The following KCNH7 variants were observed in gnomAD, a reference collection of about 807,000 sequenced individuals.
The protein encoded by KCNH7 is potassium voltage-gated channel subfamily H member 7.
KCNH7 carries 49 observed loss-of-function variants against 120.8 expected under a neutral mutation model. The ratio of observed to expected loss-of-function variants is 0.41; its 90% CI spans 0.32 to 0.51. KCNH7 has a LOEUF of 0.51. Ranked by LOEUF, KCNH7 falls within the 20% of genes least tolerant of loss-of-function variation. KCNH7 has a pLI of 0.38. For synonymous variants in KCNH7, 547 were observed against 516.1 expected (o/e 1.06, Z -0.81); for missense variants, 1,097 against 1,446.6 (o/e 0.76, Z 3.92).
intron 2 of KCNH7, among the ~76,000 whole-genome samples, chr2:162,625,806 G>A (rs1345903091): frequency 6.6e-6 from 1 of 152,062 alleles, no homozygotes; most frequent in African/African-American, 2.4e-5. Context: ...AATTACGGGA[G>A]GAGTGAAATG....
In KCNH7 at chr2:162,597,801, G is replaced by C. The variant is rs1176407909; in HGVS notation, c.308-60721C>G. Among the ~76,000 whole-genome samples, 3 of 151,964 alleles carry C rather than the reference G, an allele frequency of 2.0e-5. No homozygotes were observed. In the South Asian group the frequency reaches 6.2e-4, roughly 32 times the overall value. ...TATACATGCACTGGAACATTTCATT[G>C]TATCCCATAAGTATATGCAATTATT... On this transcript the variant is annotated intron_variant, in intron 2 of 15. Coordinates refer to ENST00000332142, the MANE Select transcript of KCNH7 (RefSeq NM_033272.4).
chr2:162,386,323 A>C (rs1686570160), intron 12 of KCNH7, among the ~76,000 whole-genome samples: 1 of 151,790 alleles, frequency 6.6e-6, no homozygotes, highest in South Asian at 2.1e-4. Context: ...TCTTCTTTCC[A>C]ATTTTCTTTG....
chr2:162,628,820 A>C (rs1683652824), intron 2 of KCNH7, among the ~76,000 whole-genome samples: 1 of 152,070 alleles, frequency 6.6e-6, no homozygotes, highest in African/African-American at 2.4e-5. Flanking sequence ...TCCACGGTGT[A>C]TGTGTGCCAC....
At chr2:162,561,218 GCTC>G (rs936546079) in intron 2 of KCNH7, among the ~76,000 whole-genome samples, 3 of 151,972 alleles carry the variant, frequency 2.0e-5, no homozygotes, top group African/African-American at 7.3e-5. Flanking sequence ...TGATGCATAT[GCTC>G]CTTTTTTTCC....
At chr2:162,638,980 T>C (rs904326624) in intron 2 of KCNH7, among the ~76,000 whole-genome samples, 4 of 152,144 alleles carry the variant, frequency 2.6e-5, no homozygotes, top group Non-Finnish European at 5.9e-5. Context: ...AATTCTTTGT[T>C]ATCGGGGATG....
chr2:162,668,137 A>G (rs1685210872), intron 2 of KCNH7, among the ~76,000 whole-genome samples: 1 of 152,194 alleles, frequency 6.6e-6, no homozygotes, highest in African/African-American at 2.4e-5. Flanking sequence ...AGATGTCAAG[A>G]AAGTAGGAAA....
At chr2:162,644,999 G>T (rs561635164) in intron 2 of KCNH7, among the ~76,000 whole-genome samples, 55 of 151,994 alleles carry the variant, frequency 3.6e-4, no homozygotes, top group Non-Finnish European at 6.8e-4. Context: ...TTACCATTTT[G>T]CCTACTTATA....
At chr2:162,383,950 A>C (rs1686500169) in intron 13 of KCNH7, among the ~76,000 whole-genome samples, 1 of 151,856 alleles carries the variant, frequency 6.6e-6, no homozygotes, top group Non-Finnish European at 1.5e-5. Flanking sequence ...GCAGAGCTGC[A>C]CTTGGAACCC....
chr2:162,672,216 A>T (rs1348482567), intron 2 of KCNH7, among the ~76,000 whole-genome samples: 2 of 152,104 alleles, frequency 1.3e-5, no homozygotes, highest in Admixed American at 1.3e-4. Flanking sequence ...AAACATTGCC[A>T]ATATCTACAT....
At chr2:162,579,875 A>G (rs1461740264) in intron 2 of KCNH7, among the ~76,000 whole-genome samples, 1 of 152,026 alleles carries the variant, frequency 6.6e-6, no homozygotes, top group Non-Finnish European at 1.5e-5. Flanking sequence ...ACGTAGAAGC[A>G]ATGATTTCTC....
At chr2:162,610,411 G>A (rs539902383) in intron 2 of KCNH7, among the ~76,000 whole-genome samples, 2 of 152,186 alleles carry the variant, frequency 1.3e-5, no homozygotes, top group African/African-American at 2.4e-5. Context: ...CCAAGGCCTA[G>A]GATTTAGGAA....
chr2:162,669,108 A>G (rs970659362), intron 2 of KCNH7, among the ~76,000 whole-genome samples: 1 of 152,178 alleles, frequency 6.6e-6, no homozygotes, highest in African/African-American at 2.4e-5. Context: ...TCAGGTGGAT[A>G]TCAAGTAAAG....
intron 2 of KCNH7, among the ~76,000 whole-genome samples, chr2:162,723,939 T>C (rs1033852213): frequency 2.6e-5 from 4 of 152,216 alleles, no homozygotes; most frequent in Non-Finnish European, 5.9e-5. Context: ...GGAAGATGAA[T>C]TTGACAATAA....
chr2:162,752,108 A>G (rs1688572195), intron 2 of KCNH7, among the ~76,000 whole-genome samples: 1 of 152,148 alleles, frequency 6.6e-6, no homozygotes, highest in Non-Finnish European at 1.5e-5. Context: ...TTTAAATAAA[A>G]GTAATTTTTC....
intron 5 of KCNH7, among the ~76,000 whole-genome samples, chr2:162,511,779 T>C (rs183581081): frequency 1.3e-5 from 2 of 151,422 alleles, no homozygotes; most frequent in Admixed American, 1.3e-4. Flanking sequence ...CAGGAGAGAG[T>C]GGTCAAAACA....
At chr2:162,696,435 G>A (rs953952511) in intron 2 of KCNH7, among the ~76,000 whole-genome samples, 3 of 152,116 alleles carry the variant, frequency 2.0e-5, no homozygotes, top group Admixed American at 1.3e-4. Flanking sequence ...AATTTTTGCT[G>A]TGGAAAATAA....
At chr2:162,391,960 A>G (rs954964721) in intron 12 of KCNH7, among the ~76,000 whole-genome samples, 9 of 152,060 alleles carry the variant, frequency 5.9e-5, no homozygotes, top group Non-Finnish European at 1.3e-4. Context: ...GAACAAAATT[A>G]TCAACTATCT....
chr2:162,614,865 A>G (rs896437348), intron 2 of KCNH7, among the ~76,000 whole-genome samples: 2 of 151,832 alleles, frequency 1.3e-5, no homozygotes, highest in Non-Finnish European at 2.9e-5. Flanking sequence ...ATATTTCTTC[A>G]GCTGAGTAGA....
intron 2 of KCNH7, among the ~76,000 whole-genome samples, chr2:162,771,492 T>C (rs1021398009): frequency 1.3e-5 from 2 of 152,150 alleles, no homozygotes; most frequent in Non-Finnish European, 2.9e-5. Context: ...TGGTTGCCCC[T>C]TTCTCTGAAG....
Sources: gnomAD v4.1 joint callset for allele counts (sites outside exome capture counted in the v4.1 genomes callset) on GRCh38, gnomAD v4.1.1 for gene constraint, MANE v1.5 for transcripts, NCBI Gene and HGNC (gene_info 2026-07-23, HGNC 2026-07-21) for gene names.